The following EPHA4 variants were observed in gnomAD, a reference collection of about 807,000 sequenced individuals.
EPHA4 encodes ephrin type-A receptor 4.
EPHA4 carries 19 observed loss-of-function variants against 108.3 expected under a neutral mutation model. The observed-to-expected ratio is 0.18, with a 90% CI of 0.12 to 0.26. EPHA4 has a LOEUF of 0.26. EPHA4 is among the 10% of genes least tolerant of loss of function. EPHA4 has a pLI of 1.00. For synonymous variants in EPHA4, 449 were observed against 455.5 expected, an observed-to-expected ratio of 0.99 and a Z score of 0.18; for missense variants, 917 against 1,254.0, an observed-to-expected ratio of 0.73 and a Z score of 4.06.
chr2:221,555,144 G>A (rs78392203), intron 3 of EPHA4, among the ~76,000 whole-genome samples: 7,319 of 152,208 alleles, frequency 0.048, 489 homozygotes, highest in African/African-American at 0.16. Flanking sequence ...CAGGGGGGCC[G>A]GAGAGTGACA....
chr2:221,471,221 G>T (rs1192517297), intron 5 of EPHA4, among the ~76,000 whole-genome samples: 3 of 151,984 alleles, frequency 2.0e-5, no homozygotes, highest in African/African-American at 7.2e-5. Context: ...TTTAGGACTT[G>T]TTTTTTGTTT....
In EPHA4 at chr2:221,563,906, G is replaced by A; in HGVS notation, c.648C>T (p.Asp216=). ...AAGACGTATCAGCCCCTGTGATGGT[G>A]TCAGGAAACTGGGCCAGATTGCGGA... is the stretch of plus-strand genomic sequence containing the variant. ...LTVRNLAQFP[D]TITGADTSSL... Residue 216 remains aspartate (D), a synonymous_variant, in exon 3 of 18, where the codon GAC becomes GAT. Transcript: ENST00000281821. 5.6e-6 allele frequency: 9 copies of A among 1,614,200 alleles called. No individual in the cohort carries two copies. Among genetic ancestry groups the A allele is most frequent in the Non-Finnish European group, 7.6e-6 (9 of 1,180,056 alleles).
chr2:221,499,408 C>T (rs1043723618), intron 4 of EPHA4, among the ~76,000 whole-genome samples: 46 of 149,850 alleles, frequency 3.1e-4, no homozygotes, highest in Non-Finnish European at 4.6e-4. Flanking sequence ...TTATAAACCA[C>T]GTATTAAGAT....
chr2:221,477,554 G>T (rs1316523686), intron 5 of EPHA4, among the ~76,000 whole-genome samples: 2 of 152,134 alleles, frequency 1.3e-5, no homozygotes, highest in Non-Finnish European at 2.9e-5. Context: ...CCCATTAGGG[G>T]TAGGAGCAGA....
At chr2:221,519,148 T>C (rs1182500080) in intron 3 of EPHA4, among the ~76,000 whole-genome samples, 1 of 152,158 alleles carries the variant, frequency 6.6e-6, no homozygotes, top group Non-Finnish European at 1.5e-5. Flanking sequence ...CAAAGGTTCC[T>C]TTACTAACAA....
chr2:221,499,715 A>ATTATATATATAT (rs1322169477), intron 4 of EPHA4, among the ~76,000 whole-genome samples: 31 of 48,450 alleles, frequency 6.4e-4, no homozygotes, highest in Non-Finnish European at 8.6e-4. Flanking sequence ...AACTAAAACT[A>ATTATATATATAT]ATATATATAT....
intron 5 of EPHA4, among the ~76,000 whole-genome samples, chr2:221,466,693 T>G (rs1691323119): frequency 6.6e-6 from 1 of 152,216 alleles, no homozygotes; most frequent in Non-Finnish European, 1.5e-5. Flanking sequence ...TTAATTCATG[T>G]AAACCTCACA....
intron 3 of EPHA4, among the ~76,000 whole-genome samples, chr2:221,504,449 G>A (rs1344309135): frequency 1.3e-5 from 2 of 151,962 alleles, no homozygotes; most frequent in African/African-American, 4.8e-5. Flanking sequence ...TGGTAACGTA[G>A]TATCTTCTGG....
chr2:221,425,940 G>T lies in EPHA4; in HGVS notation c.*88C>A. 1 of 1,049,922 alleles carries T rather than the reference G, an allele frequency of 9.5e-7. No individual in the cohort carries two copies. Among genetic ancestry groups the T allele is most frequent in the Non-Finnish European group, 1.5e-6 (1 of 682,130 alleles). 65.0% of individuals were successfully genotyped at this position (1,049,922 alleles called of 1,614,324 possible). A position where few individuals can be genotyped will look rare whatever the true frequency, so the allele number is the denominator to read the frequency against. Reference sequence around the variant, plus strand: ...CATTTCTTTAATTTCAGAGGGCGAAGACGAAGTAAAAAAAGTGCAGTTCTT... The same window carrying T: ...CATTTCTTTAATTTCAGAGGGCGAATACGAAGTAAAAAAAGTGCAGTTCTT... On this transcript the variant is annotated 3_prime_UTR_variant, in exon 17 of 18. Coordinates refer to ENST00000281821, the MANE Select transcript of EPHA4 (RefSeq NM_004438.5).
At chr2:221,500,253 G>A (rs569749966) in intron 4 of EPHA4, among the ~76,000 whole-genome samples, 102 of 152,258 alleles carry the variant, frequency 6.7e-4, no homozygotes, top group African/African-American at 2.4e-3. Context: ...TCTGTGGAAG[G>A]TGTCTGACCT....
chr2:221,431,830 G>C (rs1436176784), intron 14 of EPHA4, among the ~76,000 whole-genome samples: 2 of 152,146 alleles, frequency 1.3e-5, no homozygotes. Context: ...TATTTTCTCA[G>C]TTTACTACTA....
intron 3 of EPHA4, among the ~76,000 whole-genome samples, chr2:221,508,299 C>A (rs1318461243): frequency 6.6e-6 from 1 of 152,052 alleles, no homozygotes; most frequent in Non-Finnish European, 1.5e-5. Flanking sequence ...ATGTTTGAGG[C>A]CGGGCGTGGT....
intron 3 of EPHA4, among the ~76,000 whole-genome samples, chr2:221,539,227 A>C (rs555278714): frequency 4.6e-5 from 7 of 152,330 alleles, no homozygotes; most frequent in African/African-American, 1.4e-4. Flanking sequence ...TTTACTTATG[A>C]CGACAAGCTG....
intron 3 of EPHA4, among the ~76,000 whole-genome samples, chr2:221,536,920 A>C (rs1474336674): frequency 6.6e-6 from 1 of 152,242 alleles, no homozygotes; most frequent in African/African-American, 2.4e-5. Flanking sequence ...ACACAATGAA[A>C]TACTGAAAAT....
intron 1 of EPHA4, among the ~76,000 whole-genome samples, chr2:221,570,721 C>T (rs752133086): frequency 6.6e-6 from 1 of 152,016 alleles, no homozygotes; most frequent in Non-Finnish European, 1.5e-5. Context: ...GATGGATGGA[C>T]GGATGTCTGG....
At chr2:221,529,824 T>G (rs1693453799) in intron 3 of EPHA4, among the ~76,000 whole-genome samples, 1 of 152,194 alleles carries the variant, frequency 6.6e-6, no homozygotes, top group Non-Finnish European at 1.5e-5. Flanking sequence ...AAACAACTTT[T>G]GTTTTTCCCC....
At chr2:221,466,052 C>A (rs1691302864) in intron 5 of EPHA4, among the ~76,000 whole-genome samples, 1 of 152,188 alleles carries the variant, frequency 6.6e-6, no homozygotes, top group South Asian at 2.1e-4. Context: ...TTGTGAGAAA[C>A]TGGAATGCGC....
At chr2:221,542,334 G>T (rs1253012076) in intron 3 of EPHA4, among the ~76,000 whole-genome samples, 1 of 152,172 alleles carries the variant, frequency 6.6e-6, no homozygotes, top group African/African-American at 2.4e-5. Context: ...TGCTAGTACA[G>T]GCATTTAGAT....
At chr2:221,563,697 C>G in intron 3 of EPHA4, 34 bp downstream of exon 3, 1 of 1,603,608 alleles carries the variant, frequency 6.2e-7, no homozygotes. Context: ...CGCACTAAGC[C>G]CCAGTGAAAA....
Sources: allele counts gnomAD v4.1 joint callset (sites outside exome capture counted in the v4.1 genomes callset), GRCh38; gene constraint gnomAD v4.1.1; transcripts MANE v1.5; gene names NCBI Gene and HGNC (gene_info 2026-07-23, HGNC 2026-07-21).